NEURL3: variants seen among roughly 807,000 people sequenced by gnomAD.
NEURL3 encodes E3 ubiquitin-protein ligase NEURL3.
A neutral mutation model predicts 17.6 loss-of-function variants in NEURL3; 19 were observed. The ratio of observed to expected loss-of-function variants is 1.08; its 90% CI spans 0.75 to 1.58. The LOEUF is 1.58. Among genes scored for constraint, NEURL3 ranks in the 40% most tolerant of loss-of-function variants. The pLI is 0.00. For synonymous variants in NEURL3, 180 were observed against 161.4 expected, an observed-to-expected ratio of 1.11 and a Z score of -0.87; for missense variants, 342 against 379.6, an observed-to-expected ratio of 0.90 and a Z score of 0.82.
In NEURL3 at chr2:96,500,432, G is replaced by T. The variant is rs749249057; in HGVS notation, c.514+7C>A. 6.3e-7 allele frequency: 1 copy of T among 1,597,036 alleles called. No individual in the cohort carries two copies. Among genetic ancestry groups the T allele is most frequent in the South Asian group, 1.1e-5 (1 of 90,736 alleles). ...CCTCCCCTGCGGGGTCCCCATGGTC[G>T]CCTCACCCAGCAGCTCGATGGCCTT... is the stretch of plus-strand genomic sequence containing the variant. On this transcript the variant is annotated splice_region_variant and intron_variant, in intron 2 of 3. Transcript: ENST00000451794.
intron 1 of NEURL3, among the ~76,000 whole-genome samples, chr2:96,503,464 G>A (rs985217857): frequency 6.6e-6 from 1 of 152,132 alleles, no homozygotes; most frequent in African/African-American, 2.4e-5. Flanking sequence ...CCCCTACCTC[G>A]GGCAGCCCCC....
At chr2:96,499,333 G>A (rs1363494130) in intron 3 of NEURL3, 45 bp downstream of exon 3, 1 of 1,595,752 alleles carries the variant, frequency 6.3e-7, no homozygotes, top group African/African-American at 1.3e-5. Context: ...CCACTCCCAG[G>A]TGCTGGATTC....
At chr2:96,499,103 G>T in intron 3 of NEURL3, 1 of 1,070,932 alleles carries the variant, frequency 9.3e-7, no homozygotes, top group Non-Finnish European at 1.2e-6. Flanking sequence ...ATTTCCATTG[G>T]CAAAGCATTT....
intron 3 of NEURL3, 182 bp downstream of exon 3, chr2:96,499,196 G>C (rs2065472727): frequency 7.1e-7 from 1 of 1,406,528 alleles, no homozygotes; most frequent in Admixed American, 3.0e-5. Context: ...TCACAGAGTA[G>C]GCAAATGCTC....
At chr2:96,499,520 C>T (rs1321576577) in intron 2 of NEURL3, 71 bp from the exon 3 acceptor site, 11 of 1,384,716 alleles carry the variant, frequency 7.9e-6, no homozygotes, top group African/African-American at 1.4e-5. Context: ...CCCCTGGCCC[C>T]GCAGCAAAGT....
At chr2:96,503,308 C>T (rs1573158385) in intron 1 of NEURL3, among the ~76,000 whole-genome samples, 1 of 152,288 alleles carries the variant, frequency 6.6e-6, no homozygotes, top group African/African-American at 2.4e-5. Context: ...ATCCCTGCTT[C>T]AGGAGCCTTC....
intron 1 of NEURL3, among the ~76,000 whole-genome samples, chr2:96,501,178 T>A (rs1005027364): frequency 2.6e-5 from 4 of 152,228 alleles, no homozygotes; most frequent in African/African-American, 9.7e-5. Flanking sequence ...TAGTCAGGCA[T>A]AAATATCTAT....
At chr2:96,499,204 C>T (rs1408750243) in intron 3 of NEURL3, 174 bp downstream of exon 3, 1 of 1,403,100 alleles carries the variant, frequency 7.1e-7, no homozygotes, top group Non-Finnish European at 9.3e-7. Context: ...TAGGCAAATG[C>T]TCTCGAAGGC....
chr2:96,499,119 G>A, intron 3 of NEURL3: 4 of 1,180,172 alleles, frequency 3.4e-6, no homozygotes, highest in Non-Finnish European at 4.4e-6. Flanking sequence ...CATTTACAAT[G>A]AATGTGGATG....
At chr2:96,506,044 G>A (rs962611915), upstream of NEURL3, among the ~76,000 whole-genome samples, 6 of 152,190 alleles carry the variant, frequency 3.9e-5, no homozygotes, top group Non-Finnish European at 7.4e-5. Context: ...ATTCTAGCCC[G>A]TCAATATTTA....
rs1174481811 is a variant in NEURL3 at position 96,500,730 on chromosome 2, C to A, written c.223G>T (p.Gly75Cys). 2.6e-6 allele frequency: 4 copies of A among 1,517,640 alleles called. No individual in the cohort carries two copies. In the Admixed American group the frequency reaches 8.2e-5, roughly 31 times the overall value. 94.0% of individuals were successfully genotyped at this position (1,517,640 alleles called of 1,614,324 possible). A position where few individuals can be genotyped will look rare whatever the true frequency, so the allele number is the denominator to read the frequency against. Residue 75 changes from glycine to cysteine, a missense_variant, in exon 2 of 4, where the codon GGC becomes TGC. Transcript: ENST00000451794. Reference protein sequence around the residue: ...VLREESGWCGGLRVGFTRLDP... With the variant: ...VLREESGWCGCLRVGFTRLDP... Reference sequence around the variant, plus strand: ...AGGCGCGTGAAGCCCACGCGGAGGCCGCCGCACCAGCCGCTCTCCTCCCGC... The same window carrying A: ...AGGCGCGTGAAGCCCACGCGGAGGCAGCCGCACCAGCCGCTCTCCTCCCGC...
At position 96,505,290 on chromosome 2, in the gene NEURL3, T is replaced by C; in HGVS notation, c.-4A>G. On this transcript the variant is annotated 5_prime_UTR_variant, in exon 1 of 4. Transcript: ENST00000451794. ...CGAAGCAGAGCTGGGCACCCATCAG[T>C]CTAAGGTCCTCGGGCACAGGTCCCC... 1 of 1,599,106 alleles carries C rather than the reference T, an allele frequency of 6.3e-7. No individual in the cohort carries two copies. The highest frequency in any genetic ancestry group is 8.5e-7 in the Non-Finnish European group (1 of 1,179,786).
In NEURL3 at chr2:96,500,791, C is replaced by A. The variant is rs551313848; in HGVS notation, c.162G>T (p.Pro54=). The change falls in exon 2 of 4, where the codon CCG becomes CCT. Residue 54 remains proline (P), a synonymous_variant. Transcript: ENST00000451794. ...GCGCCACACGCTCGCCCAGGCGCAC[C>A]GGCCGCTGGCTGAACACGATGCCGT... ...FHDGIVFSQR[P]VRLGERVALR... 9.8e-6 allele frequency: 15 copies of A among 1,526,086 alleles called. No individual in the cohort carries two copies. In the South Asian group the frequency reaches 1.8e-4, roughly 18 times the overall value. 94.5% of individuals were successfully genotyped at this position (1,526,086 alleles called of 1,614,324 possible).
chr2:96,507,210 C>T (rs1246132187), upstream of NEURL3, among the ~76,000 whole-genome samples: 2 of 152,204 alleles, frequency 1.3e-5, no homozygotes, highest in Non-Finnish European at 2.9e-5. Flanking sequence ...TACCCCTTCC[C>T]CCTTTAGCCA....
chr2:96,500,260 C>T, intron 2 of NEURL3, 179 bp downstream of exon 2: 1 of 833,194 alleles, frequency 1.2e-6, no homozygotes, highest in South Asian at 1.8e-5. Context: ...GACTGCCCTC[C>T]CTACGACTGA....
upstream of NEURL3, among the ~76,000 whole-genome samples, chr2:96,505,935 C>T (rs1026414170): frequency 6.6e-6 from 1 of 152,210 alleles, no homozygotes; most frequent in African/African-American, 2.4e-5. Context: ...CTGGGAATTC[C>T]ACTTTCCCAG....
intron 1 of NEURL3, among the ~76,000 whole-genome samples, chr2:96,502,132 G>A (rs567051706): frequency 1.2e-4 from 18 of 152,260 alleles, no homozygotes; most frequent in African/African-American, 3.4e-4. Flanking sequence ...AGTGCTCACC[G>A]TGGCCTTGGG....
chr2:96,499,500 C>T, intron 2 of NEURL3, 51 bp from the exon 3 acceptor site: 3 of 1,520,870 alleles, frequency 2.0e-6, no homozygotes, highest in Non-Finnish European at 2.7e-6. Flanking sequence ...CAGGTGCCCC[C>T]CCATCCCCGC....
intron 3 of NEURL3, 184 bp downstream of exon 3, chr2:96,499,194 T>G: frequency 1.4e-6 from 2 of 1,402,218 alleles, no homozygotes; most frequent in Non-Finnish European, 1.9e-6. Flanking sequence ...ACTCACAGAG[T>G]AGGCAAATGC....
Sources: allele counts gnomAD v4.1 joint callset (sites outside exome capture counted in the v4.1 genomes callset), GRCh38; gene constraint gnomAD v4.1.1; transcripts MANE v1.5; gene names NCBI Gene and HGNC (gene_info 2026-07-23, HGNC 2026-07-21).